Variants in ZNF804A observed in about 807,000 individuals in gnomAD.
ZNF804A encodes zinc finger protein 804A.
A neutral mutation model predicts 16.5 loss-of-function variants in ZNF804A; 2 were observed. The observed-to-expected ratio is 0.12, with a 90% CI of 0.05 to 0.38. The LOEUF (loss-of-function observed/expected upper bound fraction) is 0.38, where lower values mean the gene tolerates loss of function less well. Among genes scored for constraint, ZNF804A ranks in the 10% least tolerant of loss-of-function variants. The pLI is 0.99. For missense variants in ZNF804A, 1,473 were observed against 1,390.7 expected, an observed-to-expected ratio of 1.06 and a Z score of -0.94; for synonymous variants, 534 against 489.6, an observed-to-expected ratio of 1.09 and a Z score of -1.20.
intron 1 of ZNF804A, among the ~76,000 whole-genome samples, chr2:184,785,718 A>G (rs1373337781): frequency 4.6e-5 from 7 of 152,070 alleles, no homozygotes; most frequent in African/African-American, 7.2e-5. Flanking sequence ...ATGCATATAC[A>G]AGAACATTTG....
chr2:184,837,802 G>A (rs1404155157), intron 1 of ZNF804A, among the ~76,000 whole-genome samples: 2 of 152,086 alleles, frequency 1.3e-5, no homozygotes, highest in African/African-American at 2.4e-5. Context: ...AGATATACAA[G>A]CATTTCTCCA....
At chr2:184,898,058 T>G (rs750985155) in intron 2 of ZNF804A, among the ~76,000 whole-genome samples, 6 of 152,182 alleles carry the variant, frequency 3.9e-5, no homozygotes, top group South Asian at 4.1e-4. Context: ...AAGAGTTCAT[T>G]GTATATTTGG....
In ZNF804A at chr2:184,831,476, A is replaced by G. The variant is rs144278306; in HGVS notation, c.112-34893A>G. Among the ~76,000 whole-genome samples the G allele has an allele frequency of 4.2e-3, 636 of 152,114 alleles. 5 individuals are homozygous for G. Among genetic ancestry groups the G allele is most frequent in the African/African-American group, 0.015 (604 of 41,554 alleles). Reference sequence around the variant, plus strand: ...TTGAAAAACATTTCTTAAATATTGGAAACTTTAGGTATCTGAGTGATTTCA... The same window carrying G: ...TTGAAAAACATTTCTTAAATATTGGGAACTTTAGGTATCTGAGTGATTTCA... On this transcript the variant is annotated intron_variant, in intron 1 of 3. Coordinates refer to ENST00000302277, the MANE Select transcript of ZNF804A (RefSeq NM_194250.2).
chr2:184,861,106 T>A (rs1453392689), intron 1 of ZNF804A, among the ~76,000 whole-genome samples: 3 of 152,178 alleles, frequency 2.0e-5, no homozygotes, highest in Non-Finnish European at 2.9e-5. Context: ...GGTACTGTCC[T>A]GGAATCTGCG....
At chr2:184,736,556 G>T (rs1693616515) in intron 1 of ZNF804A, among the ~76,000 whole-genome samples, 1 of 152,102 alleles carries the variant, frequency 6.6e-6, no homozygotes, top group Admixed American at 6.6e-5. Flanking sequence ...GACACAGGCA[G>T]GGTAGCAACA....
chr2:184,787,669 G>C (rs1267812013), intron 1 of ZNF804A, among the ~76,000 whole-genome samples: 2 of 151,852 alleles, frequency 1.3e-5, no homozygotes, highest in Non-Finnish European at 2.9e-5. Flanking sequence ...AGAGATATCT[G>C]TTCATGTCCT....
chr2:184,813,505 C>T (rs1694931072), intron 1 of ZNF804A, among the ~76,000 whole-genome samples: 1 of 151,962 alleles, frequency 6.6e-6, no homozygotes, highest in Admixed American at 6.6e-5. Flanking sequence ...ATTCTGGTCA[C>T]CTTGTAGAAG....
At chr2:184,860,405 C>T (rs987889061) in intron 1 of ZNF804A, among the ~76,000 whole-genome samples, 1 of 152,206 alleles carries the variant, frequency 6.6e-6, no homozygotes, top group Non-Finnish European at 1.5e-5. Flanking sequence ...AGTCTAGGAC[C>T]ACAAGAACTG....
intron 1 of ZNF804A, among the ~76,000 whole-genome samples, chr2:184,801,596 A>C (rs1694728122): frequency 6.6e-6 from 1 of 152,184 alleles, no homozygotes; most frequent in Non-Finnish European, 1.5e-5. Context: ...CTCCAAAGAC[A>C]TTCTTCATTT....
chr2:184,738,318 C>G (rs572582262), intron 1 of ZNF804A, among the ~76,000 whole-genome samples: 27 of 152,028 alleles, frequency 1.8e-4, no homozygotes, highest in Non-Finnish European at 3.4e-4. Context: ...ATTTAACTTC[C>G]TGGGTTCCTA....
chr2:184,871,060 C>T (rs1442631649), intron 2 of ZNF804A, among the ~76,000 whole-genome samples: 1 of 150,378 alleles, frequency 6.6e-6, no homozygotes, highest in Non-Finnish European at 1.5e-5. Flanking sequence ...TCACTTTCAT[C>T]AGAAGAGCAT....
intron 2 of ZNF804A, among the ~76,000 whole-genome samples, chr2:184,911,711 G>C (rs1156892344): frequency 6.6e-6 from 1 of 151,112 alleles, no homozygotes; most frequent in Admixed American, 6.7e-5. Flanking sequence ...CGTATTCTTG[G>C]ATATTTTTGT....
intron 1 of ZNF804A, among the ~76,000 whole-genome samples, chr2:184,731,251 CAAAAAAAAA>C (rs563068533): frequency 8.2e-4 from 37 of 45,312 alleles, no homozygotes; most frequent in African/African-American, 3.3e-3. Context: ...GGCTCCGTCG[CAAAAAAAAA>C]AAAAAAAAAA....
At chr2:184,655,631 A>G (rs1692063402) in intron 1 of ZNF804A, among the ~76,000 whole-genome samples, 1 of 152,190 alleles carries the variant, frequency 6.6e-6, no homozygotes, top group South Asian at 2.1e-4. Context: ...TATAGGTTCA[A>G]TGAAATATAA....
intron 1 of ZNF804A, among the ~76,000 whole-genome samples, chr2:184,749,253 C>T (rs1204532699): frequency 6.6e-6 from 1 of 151,312 alleles, no homozygotes; most frequent in East Asian, 1.9e-4. Flanking sequence ...TGATTACTTT[C>T]AGCAATGTTT....
At chr2:184,864,171 C>A (rs561492000) in intron 1 of ZNF804A, among the ~76,000 whole-genome samples, 1 of 152,034 alleles carries the variant, frequency 6.6e-6, no homozygotes, top group Admixed American at 6.6e-5. Flanking sequence ...CTGATGAGGG[C>A]CTCAGGCTGC....
At chr2:184,788,423 G>T (rs1359851372) in intron 1 of ZNF804A, among the ~76,000 whole-genome samples, 1 of 151,878 alleles carries the variant, frequency 6.6e-6, no homozygotes, top group Non-Finnish European at 1.5e-5. Flanking sequence ...AGATTACTTC[G>T]GGTAGAATGG....
chr2:184,856,006 A>C lies in ZNF804A; in HGVS notation c.112-10363A>C, dbSNP rs528190260. On this transcript the variant is annotated intron_variant, in intron 1 of 3. Transcript: ENST00000302277. The stretch of plus-strand genomic sequence containing the variant: ...GACTCCAGTTATTCATTTACTGATA[A>C]ATGGAGAAATAGCCAAAACGATTCT... Among the ~76,000 whole-genome samples, 42 of 152,204 alleles carry C rather than the reference A, an allele frequency of 2.8e-4. No homozygotes were observed. In the South Asian group the frequency reaches 8.7e-3, roughly 32 times the overall value.
chr2:184,879,696 T>G (rs1684778685), intron 2 of ZNF804A, among the ~76,000 whole-genome samples: 1 of 152,086 alleles, frequency 6.6e-6, no homozygotes, highest in South Asian at 2.1e-4. Context: ...AATTTTTTGG[T>G]ACTGACACAC....
Sources: allele counts gnomAD v4.1 joint callset (sites outside exome capture counted in the v4.1 genomes callset), GRCh38; gene constraint gnomAD v4.1.1; transcripts MANE v1.5; gene names NCBI Gene and HGNC (gene_info 2026-07-23, HGNC 2026-07-21).